The following TTLL6 variants were observed in gnomAD, a reference collection of about 807,000 sequenced individuals.
TTLL6 encodes the protein tubulin polyglutamylase TTLL6.
A neutral mutation model predicts 96.4 loss-of-function variants in TTLL6; 75 were observed. The observed-to-expected ratio is 0.78, with a 90% CI of 0.65 to 0.94. TTLL6 has a LOEUF of 0.94. Ranked by LOEUF, TTLL6 falls within the 40% of genes least tolerant of loss-of-function variation. The pLI, the probability that TTLL6 is intolerant of heterozygous loss-of-function variation, is 0.00. For missense variants in TTLL6, 1,030 were observed against 1,093.0 expected (o/e 0.94, Z 0.81); for synonymous variants, 411 against 419.4 (o/e 0.98, Z 0.24).
chr17:48,784,131 A>T (rs941918679), intron 13 of TTLL6, among the ~76,000 whole-genome samples: 4 of 152,200 alleles, frequency 2.6e-5, no homozygotes, highest in Admixed American at 2.0e-4. Context: ...ATGTAAAGAT[A>T]CACAGGGGAA....
chr17:48,793,501 G>A (rs1224253849), intron 8 of TTLL6, among the ~76,000 whole-genome samples: 1 of 151,924 alleles, frequency 6.6e-6, no homozygotes, highest in Non-Finnish European at 1.5e-5. Flanking sequence ...GCTGAGGCAA[G>A]AGAATCGCTT....
rs10667928 is a variant in TTLL6, at chr17:48,796,618, C to CAAA, written c.912+440_912+442dup. Among the ~76,000 whole-genome samples the CAAA allele has an allele frequency of 7.6e-3, 1,048 of 138,284 alleles. 13 individuals are homozygous for CAAA. The highest frequency in any genetic ancestry group is 0.025 in the African/African-American group (922 of 37,006). 90.7% of individuals were successfully genotyped at this position (138,284 alleles called of 152,430 possible). On this transcript the variant is annotated intron_variant, in intron 7 of 15. Transcript: ENST00000393382. ...TAGGCGACAAAGCGAGACTCCATCT[C>CAAA]AAAAAAAAAAAAAAGAAACTCCAGT...
intron 10 of TTLL6, 141 bp from the exon 11 acceptor site, chr17:48,788,140 T>C: frequency 1.4e-6 from 1 of 739,490 alleles, no homozygotes; most frequent in Non-Finnish European, 2.2e-6. Context: ...GCTAAATAAA[T>C]GCATGACTGT....
intron 13 of TTLL6, among the ~76,000 whole-genome samples, chr17:48,776,997 T>C (rs370751393): frequency 7.2e-4 from 103 of 143,876 alleles, no homozygotes; most frequent in African/African-American, 2.5e-3. Context: ...CAATGTGGTA[T>C]TGGCATAAGG....
At chr17:48,799,268 AAG>A (rs1214094647) in intron 6 of TTLL6, among the ~76,000 whole-genome samples, 1 of 152,210 alleles carries the variant, frequency 6.6e-6, no homozygotes, top group Non-Finnish European at 1.5e-5. Flanking sequence ...CCTCAAGTCA[AAG>A]AGAAAAGCTG....
intron 15 of TTLL6, among the ~76,000 whole-genome samples, chr17:48,768,243 C>T (rs1287318437): frequency 6.6e-6 from 1 of 151,650 alleles, no homozygotes; most frequent in African/African-American, 2.4e-5. Context: ...CATAGGCATG[C>T]TCCACCACAC....
At chr17:48,808,696 G>T (rs551280396) in intron 1 of TTLL6, among the ~76,000 whole-genome samples, 43 of 152,082 alleles carry the variant, frequency 2.8e-4, no homozygotes, top group Admixed American at 6.6e-4. Context: ...ACCCTCCTGA[G>T]TAGCTGGGAT....
chr17:48,771,236 A>G (rs374892175), intron 13 of TTLL6, among the ~76,000 whole-genome samples: 3 of 152,208 alleles, frequency 2.0e-5, no homozygotes, highest in East Asian at 3.9e-4. Context: ...AGGGGACCCA[A>G]TAAAAAATAG....
intron 1 of TTLL6, among the ~76,000 whole-genome samples, chr17:48,813,270 T>C (rs887858981): frequency 6.6e-6 from 1 of 152,124 alleles, no homozygotes; most frequent in Non-Finnish European, 1.5e-5. Context: ...TAAGAGTCAG[T>C]TGGGGACAGG....
chr17:48,807,564 T>C (rs552973660), intron 1 of TTLL6, among the ~76,000 whole-genome samples: 2 of 152,180 alleles, frequency 1.3e-5, no homozygotes, highest in Non-Finnish European at 2.9e-5. Flanking sequence ...CAGGCTGAAG[T>C]GTAGTGGTGC....
intron 3 of TTLL6, among the ~76,000 whole-genome samples, chr17:48,803,194 T>A: frequency 6.6e-6 from 1 of 151,326 alleles, no homozygotes; most frequent in Non-Finnish European, 1.5e-5. Flanking sequence ...ATAAATGCAA[T>A]ACAATACAAT....
chr17:48,784,812 C>A lies in TTLL6; in HGVS notation c.2040+111G>T, dbSNP rs530730693. ...GGCTTCTCAAGGGGAGACACCAAGG[C>A]CCAGGGAGGCTCAGTGGCTTACTCA... On this transcript the variant is annotated intron_variant, in intron 13 of 15. Coordinates refer to ENST00000393382, the MANE Select transcript of TTLL6 (RefSeq NM_001130918.3). The A allele has an allele frequency of 2.8e-4, 235 of 843,520 alleles. 1 individual carries two copies. In the African/African-American group the frequency reaches 3.6e-3, roughly 13 times the overall value. The allele number at this position is 843,520 out of a possible 1,614,324, so 52.3% of individuals were successfully genotyped here. A position where few individuals can be genotyped will look rare whatever the true frequency, so the allele number is the denominator to read the frequency against.
rs555169544 is a variant in TTLL6, at chr17:48,799,925, G to A, written c.612-165C>T. On this transcript the variant is annotated intron_variant, in intron 5 of 15. Transcript: ENST00000393382. ...AATGGGAGAGAGTAGAGCACACGCA[G>A]TGGGGAGTGTGGGCTTCAGAGGGAA... The A allele has an allele frequency of 9.7e-6, 6 of 616,864 alleles. No individual in the cohort carries two copies. In the South Asian group the frequency reaches 1.0e-4, roughly 11 times the overall value. The allele number at this position is 616,864 out of a possible 1,614,324, so 38.2% of individuals were successfully genotyped here.
chr17:48,807,065 T>A (rs2039515725), intron 1 of TTLL6, among the ~76,000 whole-genome samples: 1 of 151,990 alleles, frequency 6.6e-6, no homozygotes, highest in South Asian at 2.1e-4. Flanking sequence ...AATTTAAAAA[T>A]AAAAATAATT....
chr17:48,770,533 T>TA, intron 13 of TTLL6, among the ~76,000 whole-genome samples: 2 of 151,416 alleles, frequency 1.3e-5, no homozygotes, highest in Admixed American at 6.6e-5. Context: ...TTATTATTAT[T>TA]TGAGACAGGG....
chr17:48,762,285 G>A lies in TTLL6; in HGVS notation c.*689C>T, dbSNP rs1248973079. 1 of 152,224 alleles carries A rather than the reference G, an allele frequency of 6.6e-6. No individual in the cohort carries two copies. The highest frequency in any genetic ancestry group is 1.5e-5 in the Non-Finnish European group (1 of 68,052). The allele number at this position is 152,224 out of a possible 1,614,324, so 9.4% of individuals were successfully genotyped here. A position where few individuals can be genotyped will look rare whatever the true frequency, so the allele number is the denominator to read the frequency against. On this transcript the variant is annotated 3_prime_UTR_variant, in exon 16 of 16. Coordinates refer to ENST00000393382, the MANE Select transcript of TTLL6 (RefSeq NM_001130918.3). ...ATTAATGGATGCCTGAAGGGAAAGTGTAACATTTCTGCAGGCTGATAGAAG... is the reference window on the plus strand; with the variant it reads ...ATTAATGGATGCCTGAAGGGAAAGTATAACATTTCTGCAGGCTGATAGAAG...
intron 15 of TTLL6, among the ~76,000 whole-genome samples, chr17:48,763,738 G>T: frequency 6.6e-6 from 1 of 152,118 alleles, no homozygotes; most frequent in East Asian, 1.9e-4. Context: ...GGTGAAAGTA[G>T]CAGTGAGCCA....
At position 48,805,002 on chromosome 17, in the gene TTLL6, G is replaced by A. The variant is rs1435536444; in HGVS notation, c.104-11C>T. ...GGAAATACCAGGCCCCTAGAGAGAGGGCAGAGGGAGCCGCAGTTACAGAGA... is the reference window on the plus strand; with the variant it reads ...GGAAATACCAGGCCCCTAGAGAGAGAGCAGAGGGAGCCGCAGTTACAGAGA... On this transcript the variant is annotated splice_polypyrimidine_tract_variant and intron_variant, in intron 1 of 15. Transcript: ENST00000393382. The A allele has an allele frequency of 5.2e-6, 8 of 1,546,944 alleles. No homozygotes were observed. Among genetic ancestry groups the A allele is most frequent in the Middle Eastern group, 1.7e-4 (1 of 5,722 alleles).
At chr17:48,788,064 G>A (rs2039142225) in intron 10 of TTLL6, 65 bp from the exon 11 acceptor site, 14 of 1,522,876 alleles carry the variant, frequency 9.2e-6, no homozygotes, top group African/African-American at 1.4e-5. Flanking sequence ...GAAGGGATAT[G>A]TCCAAGCTGG....
Sources: gnomAD v4.1 joint callset for allele counts (sites outside exome capture counted in the v4.1 genomes callset) on GRCh38, gnomAD v4.1.1 for gene constraint, MANE v1.5 for transcripts, NCBI Gene and HGNC (gene_info 2026-07-23, HGNC 2026-07-21) for gene names.